IPO11: variants seen among roughly 807,000 people sequenced by gnomAD.
IPO11 encodes importin-11.
A neutral mutation model predicts 143.2 loss-of-function variants in IPO11; 66 were observed. That is an observed-to-expected ratio of 0.46 (90% CI 0.38 to 0.57). IPO11 has a LOEUF of 0.57. Among genes scored for constraint, IPO11 ranks in the 20% least tolerant of loss-of-function variants. The probability of loss-of-function intolerance (pLI) is 0.00; values close to 1 mark genes in which losing one functional copy is unlikely to be tolerated. For missense variants in IPO11, 1,026 were observed against 1,141.0 expected (o/e 0.90, Z 1.45); for synonymous variants, 385 against 377.8 (o/e 1.02, Z -0.22).
chr5:62,471,987 T>C (rs1421109879), intron 7 of IPO11, among the ~76,000 whole-genome samples: 1 of 152,192 alleles, frequency 6.6e-6, no homozygotes, highest in Non-Finnish European at 1.5e-5. Flanking sequence ...TGAAAGATAA[T>C]GTCAAGCCTC....
At chr5:62,465,496 A>G (rs189875950) in intron 5 of IPO11, among the ~76,000 whole-genome samples, 3 of 152,216 alleles carry the variant, frequency 2.0e-5, no homozygotes, top group Non-Finnish European at 2.9e-5. Flanking sequence ...CTCTGCTATA[A>G]TACTACTTCA....
intron 19 of IPO11, among the ~76,000 whole-genome samples, chr5:62,513,485 C>T (rs1393419412): frequency 3.1e-5 from 4 of 128,362 alleles, no homozygotes; most frequent in Admixed American, 7.7e-5. Context: ...CCAGTAGGGG[C>T]GGCCGGGCAG....
chr5:62,499,985 TAAC>T (rs1580252248), intron 16 of IPO11, among the ~76,000 whole-genome samples: 1 of 152,260 alleles, frequency 6.6e-6, no homozygotes, highest in East Asian at 1.9e-4. Context: ...TCTCCTATGA[TAAC>T]AATGCCTTCT....
At chr5:62,531,977 T>C (rs1288062402) in intron 22 of IPO11, among the ~76,000 whole-genome samples, 1 of 152,196 alleles carries the variant, frequency 6.6e-6, no homozygotes, top group East Asian at 1.9e-4. Flanking sequence ...TTTTTAGTTC[T>C]GTTCTACCTA....
At chr5:62,419,313 A>G (rs1223941407) in intron 1 of IPO11, among the ~76,000 whole-genome samples, 1 of 152,236 alleles carries the variant, frequency 6.6e-6, no homozygotes, top group Non-Finnish European at 1.5e-5. Flanking sequence ...GCATTATTGT[A>G]CACTTAGGCT....
chr5:62,625,411 C>A (rs1217425988), intron 29 of IPO11, among the ~76,000 whole-genome samples: 1 of 152,182 alleles, frequency 6.6e-6, no homozygotes, highest in Non-Finnish European at 1.5e-5. Context: ...GAGCCACGTG[C>A]TCATTAAAAT....
At chr5:62,441,941 G>A (rs894766783) in intron 2 of IPO11, among the ~76,000 whole-genome samples, 1 of 151,534 alleles carries the variant, frequency 6.6e-6, no homozygotes, top group East Asian at 1.9e-4. Context: ...CACCTTCCTG[G>A]TTGAAGCTAT....
chr5:62,427,977 C>T (rs758482641), intron 1 of IPO11, among the ~76,000 whole-genome samples: 6 of 152,214 alleles, frequency 3.9e-5, no homozygotes, highest in South Asian at 2.1e-4. Context: ...GTAATGCATG[C>T]ACAGAAAAGA....
At chr5:62,624,980 CA>C (rs141431600) in intron 29 of IPO11, among the ~76,000 whole-genome samples, 30,497 of 89,248 alleles carry the variant, frequency 0.34, 2,752 homozygotes, top group South Asian at 0.38. Flanking sequence ...GCGAGAGACT[CA>C]AAAAAAAAAA....
intron 28 of IPO11, among the ~76,000 whole-genome samples, chr5:62,596,779 C>T (rs1001599960): frequency 5.9e-5 from 9 of 151,888 alleles, no homozygotes; most frequent in South Asian, 4.2e-4. Flanking sequence ...TCCATTCTGC[C>T]CCACTTAAAA....
chr5:62,602,159 G>A (rs1048761526), intron 29 of IPO11, among the ~76,000 whole-genome samples: 1 of 152,054 alleles, frequency 6.6e-6, no homozygotes, highest in Non-Finnish European at 1.5e-5. Flanking sequence ...CTTCTGTTTT[G>A]AGGAGATGTA....
chr5:62,491,964 G>A (rs1015694817), intron 15 of IPO11, among the ~76,000 whole-genome samples: 3 of 151,978 alleles, frequency 2.0e-5, no homozygotes, highest in Admixed American at 1.3e-4. Context: ...CTCTTATAAT[G>A]TGGGTACTAA....
intron 1 of IPO11, among the ~76,000 whole-genome samples, chr5:62,419,343 AT>A (rs1296989120): frequency 6.6e-6 from 1 of 152,136 alleles, no homozygotes; most frequent in South Asian, 2.1e-4. Context: ...TTATTAAGAA[AT>A]TTTTTTCTTC....
intron 21 of IPO11, 39 bp from the exon 22 acceptor site, chr5:62,530,666 ATGGG>A (rs1408973984): frequency 1.6e-6 from 2 of 1,243,618 alleles, no homozygotes; most frequent in Non-Finnish European, 2.4e-6. Context: ...AATGGCTTTA[ATGGG>A]CATGGAAAGT....
intron 1 of IPO11, among the ~76,000 whole-genome samples, chr5:62,436,512 T>G (rs775166027): frequency 1.3e-5 from 2 of 152,238 alleles, no homozygotes; most frequent in African/African-American, 2.4e-5. Flanking sequence ...CTATACATAC[T>G]TGCTAAGTAT....
intron 26 of IPO11, among the ~76,000 whole-genome samples, chr5:62,552,619 G>A (rs1743427209): frequency 6.6e-6 from 1 of 151,880 alleles, no homozygotes; most frequent in African/African-American, 2.4e-5. Flanking sequence ...GAACATAAGA[G>A]AGGAAATTAA....
At chr5:62,562,490 T>G (rs1416482595) in intron 27 of IPO11, among the ~76,000 whole-genome samples, 1 of 152,164 alleles carries the variant, frequency 6.6e-6, no homozygotes, top group Non-Finnish European at 1.5e-5. Context: ...CTACATCCCT[T>G]GCATGCACTG....
At chr5:62,485,885 AT>A (rs1746381631) in intron 12 of IPO11, among the ~76,000 whole-genome samples, 1 of 151,096 alleles carries the variant, frequency 6.6e-6, no homozygotes, top group Non-Finnish European at 1.5e-5. Context: ...GATTCCCAAC[AT>A]TAAGTCAGAC....
chr5:62,524,043 C>G (rs754105643), intron 20 of IPO11, among the ~76,000 whole-genome samples: 2 of 152,004 alleles, frequency 1.3e-5, no homozygotes, highest in Non-Finnish European at 2.9e-5. Flanking sequence ...TAATTCTCCC[C>G]TCTTTAATTA....
Sources: gnomAD v4.1 joint callset for allele counts (sites outside exome capture counted in the v4.1 genomes callset) on GRCh38, gnomAD v4.1.1 for gene constraint, MANE v1.5 for transcripts, NCBI Gene and HGNC (gene_info 2026-07-23, HGNC 2026-07-21) for gene names.